KIF26B: variants seen among roughly 807,000 people sequenced by gnomAD.
The protein encoded by KIF26B is kinesin-like protein KIF26B.
KIF26B carries 63 observed loss-of-function variants against 151.2 expected under a neutral mutation model. The ratio of observed to expected loss-of-function variants is 0.42; its 90% CI spans 0.34 to 0.51. The LOEUF is 0.51. Among genes scored for constraint, KIF26B ranks in the 20% least tolerant of loss-of-function variants. KIF26B has a pLI of 0.07. For synonymous variants in KIF26B, 1,357 were observed against 1,262.1 expected (o/e 1.08, Z -1.59); for missense variants, 2,813 against 2,913.6 (o/e 0.97, Z 0.79).
chr1:245,250,163 C>T (rs1670416061), intron 2 of KIF26B, among the ~76,000 whole-genome samples: 1 of 152,112 alleles, frequency 6.6e-6, no homozygotes, highest in Non-Finnish European at 1.5e-5. Context: ...TCTTTCCATC[C>T]TGTTGCACTT....
At chr1:245,673,282 C>T (rs1393186852) in intron 10 of KIF26B, among the ~76,000 whole-genome samples, 8 of 144,606 alleles carry the variant, frequency 5.5e-5, no homozygotes, top group South Asian at 2.2e-4. Context: ...GCCCAGTCCC[C>T]GCTGGGCGCT....
chr1:245,283,961 C>T (rs1671115600), intron 2 of KIF26B, among the ~76,000 whole-genome samples: 1 of 152,178 alleles, frequency 6.6e-6, no homozygotes, highest in African/African-American at 2.4e-5. Flanking sequence ...GCTGGGATTA[C>T]AGGCGTGAGC....
intron 9 of KIF26B, among the ~76,000 whole-genome samples, chr1:245,614,543 A>G (rs560028269): frequency 6.6e-6 from 1 of 152,266 alleles, no homozygotes; most frequent in Admixed American, 6.5e-5. Flanking sequence ...GAAAATATCC[A>G]CAGCTGGGGC....
At position 245,419,690 on chromosome 1, in the gene KIF26B, T is replaced by C; in HGVS notation, c.1111T>C (p.Cys371Arg). The C allele has an allele frequency of 6.2e-7, 1 of 1,613,792 alleles. No homozygotes were observed. Among genetic ancestry groups the C allele is most frequent in the Admixed American group, 1.7e-5 (1 of 59,998 alleles). Reference sequence around the variant, plus strand: ...CAGTGTCCCAGCCTCGCAGGGCTCCTGCGTGGCCAGCGAGACTTCCACAGG... The same window carrying C: ...CAGTGTCCCAGCCTCGCAGGGCTCCCGCGTGGCCAGCGAGACTTCCACAGG... ...ACSVPASQGS[C>R]VASETSTGTS... Residue 371 changes from cysteine to arginine, a missense_variant, in exon 4 of 15, where the codon TGC becomes CGC. By Grantham distance (180) the Cys-to-Arg change is radical. Around this residue, in one of 3 missense-constraint regions of KIF26B, gnomAD observed 676 missense variants for 688.1 expected, o/e 0.98. Coordinates refer to ENST00000407071, the MANE Select transcript of KIF26B (RefSeq NM_018012.4).
intron 2 of KIF26B, among the ~76,000 whole-genome samples, chr1:245,258,510 G>A (rs1167904641): frequency 6.6e-6 from 1 of 152,162 alleles, no homozygotes; most frequent in Non-Finnish European, 1.5e-5. Flanking sequence ...CTCATTCCTG[G>A]CTAACCTGCA....
chr1:245,361,819 C>T (rs184040740), intron 2 of KIF26B, among the ~76,000 whole-genome samples: 8 of 152,248 alleles, frequency 5.3e-5, no homozygotes, highest in African/African-American at 1.7e-4. Context: ...TTCCAGAATG[C>T]GCTGTGCTTG....
chr1:245,581,589 C>CT (rs1271907954), intron 5 of KIF26B, among the ~76,000 whole-genome samples: 1 of 152,154 alleles, frequency 6.6e-6, no homozygotes, highest in Non-Finnish European at 1.5e-5. Context: ...TCTTACAGGT[C>CT]TTCAGTTCCT....
At chr1:245,262,159 C>T (rs562648751) in intron 2 of KIF26B, among the ~76,000 whole-genome samples, 18 of 152,298 alleles carry the variant, frequency 1.2e-4, no homozygotes, top group African/African-American at 4.3e-4. Context: ...GTGATATATA[C>T]ACCGAAATAC....
chr1:245,420,679 AT>A, intron 4 of KIF26B, among the ~76,000 whole-genome samples: 1 of 152,354 alleles, frequency 6.6e-6, no homozygotes, highest in South Asian at 2.1e-4. Flanking sequence ...CAGTTTCTTC[AT>A]GTATAAAATG....
rs377550203 is a variant in KIF26B at position 245,674,801 on chromosome 1, T to C, written c.2259-9432T>C. Among the ~76,000 whole-genome samples, 7 of 152,318 alleles carry C rather than the reference T, an allele frequency of 4.6e-5. No homozygotes were observed. The East Asian group carries it at 1.4e-3, about 29-fold the overall frequency. ...CTTATAGTCAAGGTTCTTAGGATCT[T>C]ATTGAGATGAGCTCCTCAGAATCAG... On this transcript the variant is annotated intron_variant, in intron 10 of 14. Transcript: ENST00000407071.
chr1:245,315,136 T>C (rs1442920560), intron 2 of KIF26B, among the ~76,000 whole-genome samples: 2 of 152,066 alleles, frequency 1.3e-5, no homozygotes, highest in Admixed American at 6.5e-5. Context: ...GCCGAGATTG[T>C]GCCACTGCAC....
intron 2 of KIF26B, among the ~76,000 whole-genome samples, chr1:245,262,391 T>C (rs922648665): frequency 2.8e-4 from 42 of 152,198 alleles, no homozygotes; most frequent in African/African-American, 9.7e-4. Context: ...GCGTCACTTT[T>C]TAATTTCTTT....
intron 5 of KIF26B, among the ~76,000 whole-genome samples, chr1:245,579,052 A>G (rs2043150690): frequency 6.6e-6 from 1 of 152,214 alleles, no homozygotes; most frequent in Non-Finnish European, 1.5e-5. Context: ...AGTCCTTTCT[A>G]AACTTTTCCT....
intron 4 of KIF26B, among the ~76,000 whole-genome samples, chr1:245,528,156 T>C (rs948789650): frequency 2.6e-5 from 4 of 151,730 alleles, no homozygotes; most frequent in African/African-American, 9.7e-5. Context: ...GGCTTGCAAG[T>C]GGATGTCTGG....
chr1:245,340,824 G>A (rs1672318968), intron 2 of KIF26B, among the ~76,000 whole-genome samples: 1 of 152,168 alleles, frequency 6.6e-6, no homozygotes, highest in African/African-American at 2.4e-5. Flanking sequence ...GACTTGGTCT[G>A]GAGGCGGGGC....
intron 2 of KIF26B, among the ~76,000 whole-genome samples, chr1:245,334,361 G>A (rs1345460010): frequency 6.6e-6 from 1 of 152,198 alleles, no homozygotes; most frequent in Non-Finnish European, 1.5e-5. Context: ...TTCAGTCCTT[G>A]TATCCTGGTT....
At chr1:245,281,661 T>C (rs1013354991) in intron 2 of KIF26B, among the ~76,000 whole-genome samples, 2 of 146,140 alleles carry the variant, frequency 1.4e-5, no homozygotes, top group African/African-American at 5.1e-5. Flanking sequence ...TTTGGTGTTT[T>C]AGACATGAAG....
chr1:245,238,271 G>A (rs1020297627), intron 2 of KIF26B, among the ~76,000 whole-genome samples: 1 of 152,128 alleles, frequency 6.6e-6, no homozygotes, highest in African/African-American at 2.4e-5. Flanking sequence ...AAGAGGCAGA[G>A]GTTGCAGTGA....
At chr1:245,561,987 C>T (rs755843875) in intron 5 of KIF26B, among the ~76,000 whole-genome samples, 8 of 152,142 alleles carry the variant, frequency 5.3e-5, no homozygotes, top group Admixed American at 4.6e-4. Flanking sequence ...GGGCACTCTT[C>T]AGTGGTTTCT....
Sources: allele counts gnomAD v4.1 joint callset (sites outside exome capture counted in the v4.1 genomes callset), GRCh38; gene constraint gnomAD v4.1.1; regional missense constraint gnomAD v4.1.1; transcripts MANE v1.5; gene names NCBI Gene and HGNC (gene_info 2026-07-23, HGNC 2026-07-21).